CELF2: variants seen among roughly 807,000 people sequenced by gnomAD.
CELF2 encodes the protein CUGBP Elav-like family member 2, also known as CUG triplet repeat RNA-binding protein 2.
A neutral mutation model predicts 62.6 loss-of-function variants in CELF2; 8 were observed. The ratio of observed to expected loss-of-function variants is 0.13; its 90% confidence interval spans 0.07 to 0.23. The LOEUF (loss-of-function observed/expected upper bound fraction) is 0.23. Among genes scored for constraint, CELF2 ranks in the 10% least tolerant of loss-of-function variants. The probability of loss-of-function intolerance (pLI) is 1.00; values close to 1 mark genes in which losing one functional copy is unlikely to be tolerated. For synonymous variants in CELF2, 258 were observed against 250.0 expected (o/e 1.03, Z -0.30); for missense variants, 333 against 671.0 (o/e 0.50, Z 5.56).
intron 2 of CELF2, chr10:10,924,979 A>C (rs150279660): frequency 6.6e-6 from 1 of 152,196 alleles, no homozygotes; most frequent in East Asian, 1.9e-4. Context: ...AACAGATTCC[A>C]TTTAAAGGAC....
rs1466566514 is a variant in CELF2 at position 11,098,222 on chromosome 10, A to G, written c.75-67264A>G. On this transcript the variant is annotated intron_variant, in intron 1 of 12. Transcript: ENST00000633077. The surrounding 1 kb of genome is among the most constrained non-coding windows in gnomAD (Gnocchi z 4.0). ...GAAGGACAGTCTTAGGACGGGGACAAAGAGTCTGAGGAGTGGGACGTTCTG... is the reference window on the plus strand; with the variant it reads ...GAAGGACAGTCTTAGGACGGGGACAGAGAGTCTGAGGAGTGGGACGTTCTG... The G allele has an allele frequency of 2.6e-5, 4 of 152,306 alleles. No homozygotes were observed. The highest frequency in any genetic ancestry group is 5.9e-5 in the Non-Finnish European group (4 of 68,122). The allele number at this position is 152,306 out of a possible 1,614,324, so 9.4% of individuals were successfully genotyped here.
the CELF2 span, among the ~76,000 whole-genome samples, chr10:10,610,336 T>C: frequency 6.6e-6 from 1 of 152,214 alleles, no homozygotes; most frequent in Non-Finnish European, 1.5e-5. Flanking sequence ...CTTCACACGC[T>C]CTCTCCCTCA....
chr10:11,135,656 A>G (rs936356178), intron 1 of CELF2, among the ~76,000 whole-genome samples: 2 of 152,178 alleles, frequency 1.3e-5, no homozygotes, highest in African/African-American at 2.4e-5. Flanking sequence ...AGTCAGGGGT[A>G]CTCTGAGCTA....
At chr10:10,901,981 C>G (rs2062971089) in intron 1 of CELF2, among the ~76,000 whole-genome samples, 1 of 152,148 alleles carries the variant, frequency 6.6e-6, no homozygotes, top group Non-Finnish European at 1.5e-5. Flanking sequence ...CAGAAAGATT[C>G]TCAACATCAT....
intron 11 of CELF2, among the ~76,000 whole-genome samples, chr10:11,323,439 T>TAATAAG (rs1481119330): frequency 6.8e-6 from 1 of 147,970 alleles, no homozygotes; most frequent in Non-Finnish European, 1.5e-5. Flanking sequence ...ATAATAATAA[T>TAATAAG]AATAATAATA....
intron 1 of CELF2, among the ~76,000 whole-genome samples, chr10:11,140,716 A>G (rs899870545): frequency 6.6e-6 from 1 of 152,136 alleles, no homozygotes; most frequent in Non-Finnish European, 1.5e-5. Flanking sequence ...CCAGTCACTT[A>G]TTTGTATTAA....
At chr10:11,325,811 C>T (rs1370257219) in intron 11 of CELF2, 25 bp from the exon 12 acceptor site, 3 of 1,574,396 alleles carry the variant, frequency 1.9e-6, no homozygotes, top group Non-Finnish European at 2.6e-6. Context: ...GGATACCTTA[C>T]TCTGACTTTT....
chr10:10,532,502 A>C, the CELF2 span, among the ~76,000 whole-genome samples: 1 of 152,242 alleles, frequency 6.6e-6, no homozygotes, highest in East Asian at 1.9e-4. Flanking sequence ...AGTGGAAGTC[A>C]CAAGTTAAGG....
In CELF2 at chr10:11,302,490, A is replaced by T. The variant is rs1216808398; in HGVS notation, c.977-11649A>T. 6.6e-6 allele frequency among the ~76,000 whole-genome samples: 1 copy of T among 152,162 alleles called. No individual in the cohort carries two copies. The highest frequency in any genetic ancestry group is 1.5e-5 in the Non-Finnish European group (1 of 68,026). On this transcript the variant is annotated intron_variant, in intron 9 of 12. Coordinates refer to ENST00000633077, the MANE Select transcript of CELF2 (RefSeq NM_001326342.2). This position sits in a 1 kb window ranked among gnomAD's most constrained non-coding sequence, Gnocchi z 5.0. ...CTCCATTAAATGTGTCTGTGGCTGC[A>T]GTGCCCCCAAAGGACAGGATTGGGC...
At chr10:10,527,883 G>A in the CELF2 span, among the ~76,000 whole-genome samples, 1 of 152,210 alleles carries the variant, frequency 6.6e-6, no homozygotes, top group African/African-American at 2.4e-5. Flanking sequence ...ACTCAAGTAA[G>A]CTTTCATCTC....
At chr10:10,556,697 G>A in the CELF2 span, among the ~76,000 whole-genome samples, 1 of 151,990 alleles carries the variant, frequency 6.6e-6, no homozygotes, top group Non-Finnish European at 1.5e-5. Context: ...AACACCTGTT[G>A]TTTCCTGACT....
chr10:11,197,016 G>GAAAAGAAAGAAAGAAAGA, intron 2 of CELF2, among the ~76,000 whole-genome samples: 1 of 12,164 alleles, frequency 8.2e-5, no homozygotes, highest in African/African-American at 4.0e-4. Flanking sequence ...AAGAAAGAAA[G>GAAAAGAAAGAAAGAAAGA]AAAGAAAGAA....
the CELF2 span, among the ~76,000 whole-genome samples, chr10:10,482,858 G>A: frequency 6.6e-6 from 1 of 152,124 alleles, no homozygotes; most frequent in African/African-American, 2.4e-5. Context: ...GGTACTGGAT[G>A]ACAAAGGACG....
At chr10:10,699,829 T>C in the CELF2 span, among the ~76,000 whole-genome samples, 1 of 152,214 alleles carries the variant, frequency 6.6e-6, no homozygotes, top group Non-Finnish European at 1.5e-5. Context: ...GAGATTTGTG[T>C]TTCCTGAATG....
At chr10:10,754,083 TTTAG>T in the CELF2 span, among the ~76,000 whole-genome samples, 8 of 150,340 alleles carry the variant, frequency 5.3e-5, no homozygotes, top group Non-Finnish European at 1.0e-4. Flanking sequence ...TTTTTTTTTT[TTTAG>T]TATTTGACTA....
At chr10:10,822,946 A>G (rs1240641916) in intron 1 of CELF2, among the ~76,000 whole-genome samples, 3 of 152,224 alleles carry the variant, frequency 2.0e-5, no homozygotes, top group African/African-American at 7.2e-5. Context: ...TAAAATTTTC[A>G]TTTGTGAGGC....
chr10:11,106,826 T>C (rs1351540842), intron 1 of CELF2, among the ~76,000 whole-genome samples: 1 of 152,092 alleles, frequency 6.6e-6, no homozygotes, highest in Non-Finnish European at 1.5e-5. Flanking sequence ...GGATTCTGAG[T>C]GGTGTAGTCC....
At chr10:11,128,132 T>A (rs2059030512) in intron 1 of CELF2, among the ~76,000 whole-genome samples, 1 of 152,246 alleles carries the variant, frequency 6.6e-6, no homozygotes, top group Non-Finnish European at 1.5e-5. Flanking sequence ...ATTTATTAAA[T>A]AGGAAATCCC....
chr10:10,590,592 C>A, the CELF2 span, among the ~76,000 whole-genome samples: 26 of 152,248 alleles, frequency 1.7e-4, no homozygotes, highest in African/African-American at 5.3e-4. Flanking sequence ...ACGAAGGTAC[C>A]CAGTGTCTCT....
Sources: allele counts gnomAD v4.1 joint callset (sites outside exome capture counted in the v4.1 genomes callset), GRCh38; gene constraint gnomAD v4.1.1; non-coding constraint Gnocchi (gnomAD v3.1); transcripts MANE v1.5; gene names NCBI Gene and HGNC (gene_info 2026-07-23, HGNC 2026-07-21).